RFX3: variants seen among roughly 807,000 people sequenced by gnomAD.
RFX3 encodes the protein regulatory factor X3.
A neutral mutation model predicts 98.6 loss-of-function variants in RFX3; 14 were observed. The observed-to-expected ratio is 0.14, with a 90% CI of 0.09 to 0.22. The LOEUF (loss-of-function observed/expected upper bound fraction) is 0.22. Ranked by LOEUF, RFX3 falls within the 10% of genes least tolerant of loss-of-function variation. RFX3 has a pLI of 1.00. For missense variants in RFX3, 639 were observed against 926.9 expected (o/e 0.69, Z 4.03); for synonymous variants, 383 against 328.4 (o/e 1.17, Z -1.80).
chr9:3,476,813 C>T lies in RFX3; in HGVS notation c.-9+48934G>A, dbSNP rs1284558088. 3.3e-5 allele frequency among the ~76,000 whole-genome samples: 5 copies of T among 152,148 alleles called. No homozygotes were observed. In the East Asian group the frequency reaches 9.7e-4, roughly 29 times the overall value. ...TGAAAGAAGGCCAAGAATATTAAAG[C>T]ACCGGATATTAAGGTGTAAAGCAGT... On this transcript the variant is annotated intron_variant, in intron 1 of 16. Transcript: ENST00000617270.
intron 1 of RFX3, among the ~76,000 whole-genome samples, chr9:3,457,337 A>G (rs1189790903): frequency 2.6e-5 from 4 of 152,046 alleles, no homozygotes; most frequent in African/African-American, 9.7e-5. Context: ...AACCATTCAT[A>G]TTTGCAAGTC....
At chr9:3,376,615 C>T (rs1231630054) in intron 2 of RFX3, among the ~76,000 whole-genome samples, 1 of 152,116 alleles carries the variant, frequency 6.6e-6, no homozygotes, top group Non-Finnish European at 1.5e-5. Context: ...AACTAAAGAG[C>T]TTCTGCACAG....
chr9:3,234,058 T>C (rs555124286), intron 15 of RFX3, among the ~76,000 whole-genome samples: 3 of 152,328 alleles, frequency 2.0e-5, no homozygotes, highest in South Asian at 4.1e-4. Flanking sequence ...CACATTTTCA[T>C]CCTTCCTCTC....
chr9:3,283,598 G>T (rs560826046), intron 7 of RFX3, among the ~76,000 whole-genome samples: 2 of 151,824 alleles, frequency 1.3e-5, no homozygotes, highest in East Asian at 3.9e-4. Context: ...CTAAAAGAAC[G>T]TGCATGCTTT....
intron 11 of RFX3, among the ~76,000 whole-genome samples, chr9:3,270,082 G>GAAAGAAAGAAAGAAAT (rs1563833286): frequency 7.6e-3 from 19 of 2,510 alleles, no homozygotes; most frequent in African/African-American, 9.4e-3. Context: ...GAGAAAGAAG[G>GAAAGAAAGAAAGAAAT]AAAGAAAGAA....
intron 1 of RFX3, among the ~76,000 whole-genome samples, chr9:3,442,029 G>C (rs1845649627): frequency 6.6e-6 from 1 of 151,986 alleles, no homozygotes; most frequent in Non-Finnish European, 1.5e-5. Flanking sequence ...GTGAAACCCT[G>C]TCTCTATTAA....
At chr9:3,264,953 T>C (rs895750033) in intron 12 of RFX3, among the ~76,000 whole-genome samples, 1 of 152,204 alleles carries the variant, frequency 6.6e-6, no homozygotes, top group Non-Finnish European at 1.5e-5. Context: ...TTGTTACAAA[T>C]GTGACTGACT....
At chr9:3,401,506 G>A (rs1457506486) in intron 1 of RFX3, among the ~76,000 whole-genome samples, 1 of 152,174 alleles carries the variant, frequency 6.6e-6, no homozygotes, top group African/African-American at 2.4e-5. Context: ...GGTTAGTTTA[G>A]TTCCTTCACA....
Position 3,223,069 on chromosome 9 carries a change from C to T in RFX3, c.*1973G>A, listed in dbSNP as rs10970802. 1.3e-5 allele frequency: 2 copies of T among 152,066 alleles called. No homozygotes were observed. The highest frequency in any genetic ancestry group is 4.8e-5 in the African/African-American group (2 of 41,400). 9.4% of individuals were successfully genotyped at this position (152,066 alleles called of 1,614,324 possible). ...GGCTCACCTCGTCTTTCCAACCCCC[C>T]ACCCCCCTTACCCCAATACCACTGG... On this transcript the variant is annotated 3_prime_UTR_variant, in exon 17 of 17. Coordinates refer to ENST00000617270, the MANE Select transcript of RFX3 (RefSeq NM_001282116.2).
At chr9:3,468,815 G>GAAAAA (rs34057815) in intron 1 of RFX3, among the ~76,000 whole-genome samples, 1 of 84,274 alleles carries the variant, frequency 1.2e-5, no homozygotes, top group Non-Finnish European at 2.7e-5. Flanking sequence ...TTTTCCTTTT[G>GAAAAA]AAAAAAAAAA....
At chr9:3,391,321 A>C (rs1162086238) in intron 2 of RFX3, among the ~76,000 whole-genome samples, 1 of 152,148 alleles carries the variant, frequency 6.6e-6, no homozygotes, top group African/African-American at 2.4e-5. Flanking sequence ...ACACTATTCT[A>C]CTTAAGAAAA....
At chr9:3,377,534 A>T (rs1260883912) in intron 2 of RFX3, among the ~76,000 whole-genome samples, 1 of 152,178 alleles carries the variant, frequency 6.6e-6, no homozygotes, top group Non-Finnish European at 1.5e-5. Flanking sequence ...ACATGTATAC[A>T]TATGTAACAA....
chr9:3,312,891 C>G (rs147014433), intron 4 of RFX3, among the ~76,000 whole-genome samples: 2,327 of 152,314 alleles, frequency 0.015, 62 homozygotes, highest in African/African-American at 0.052. Flanking sequence ...TGGAGCCCAC[C>G]GCAGATCAAG....
At chr9:3,506,934 T>C (rs770535600) in intron 1 of RFX3, among the ~76,000 whole-genome samples, 1 of 151,920 alleles carries the variant, frequency 6.6e-6, no homozygotes, top group Non-Finnish European at 1.5e-5. Flanking sequence ...TGAAAGGTCA[T>C]TGTAAAATCA....
At chr9:3,325,639 ATAT>A (rs1831824899) in intron 4 of RFX3, among the ~76,000 whole-genome samples, 1 of 152,050 alleles carries the variant, frequency 6.6e-6, no homozygotes, top group Non-Finnish European at 1.5e-5. Context: ...AAGAATAAAA[ATAT>A]TATTTTATGT....
At chr9:3,462,069 A>G (rs953395104) in intron 1 of RFX3, among the ~76,000 whole-genome samples, 3 of 151,936 alleles carry the variant, frequency 2.0e-5, no homozygotes, top group Admixed American at 6.6e-5. Context: ...ACATTCCCCA[A>G]CTCATTTTAT....
chr9:3,396,670 GTTCCTA>G (rs1156240043), intron 1 of RFX3, among the ~76,000 whole-genome samples: 4 of 152,142 alleles, frequency 2.6e-5, no homozygotes, highest in Admixed American at 6.5e-5. Flanking sequence ...GTGTAAAAGT[GTTCCTA>G]TTTCTCCACA....
chr9:3,315,449 T>A (rs1480497389), intron 4 of RFX3, among the ~76,000 whole-genome samples: 1 of 151,806 alleles, frequency 6.6e-6, no homozygotes, highest in African/African-American at 2.4e-5. Context: ...CACCCTAACA[T>A]CACAATTAAA....
intron 3 of RFX3, among the ~76,000 whole-genome samples, chr9:3,345,480 T>A (rs1277920830): frequency 2.0e-5 from 3 of 152,056 alleles, no homozygotes; most frequent in Non-Finnish European, 4.4e-5. Flanking sequence ...CCAAATATAG[T>A]AAGAAAAGAA....
Sources: allele counts gnomAD v4.1 joint callset (sites outside exome capture counted in the v4.1 genomes callset), GRCh38; gene constraint gnomAD v4.1.1; transcripts MANE v1.5; gene names NCBI Gene and HGNC (gene_info 2026-07-23, HGNC 2026-07-21).